Variants in TMEM26 observed in about 807,000 individuals in gnomAD.
The protein encoded by TMEM26 is transmembrane protein 26.
In TMEM26, 38 loss-of-function variants were observed where a neutral mutation model predicts 28.8. The ratio of observed to expected loss-of-function variants is 1.32; its 90% CI spans 1.02 to 1.73. TMEM26 has a LOEUF of 1.73. Among genes scored for constraint, TMEM26 ranks in the 40% most tolerant of loss-of-function variants. TMEM26 has a pLI of 0.00. For missense variants in TMEM26, 518 were observed against 447.1 expected (o/e 1.16, Z -1.43); for synonymous variants, 227 against 182.9 (o/e 1.24, Z -1.95).
chr10:61,444,476 T>C (rs538232573), intron 1 of TMEM26, among the ~76,000 whole-genome samples: 1 of 152,042 alleles, frequency 6.6e-6, no homozygotes, highest in Non-Finnish European at 1.5e-5. Flanking sequence ...TAGTCTAGAA[T>C]TTTCCCCCTT....
At chr10:61,432,633 T>C (rs150432304) in intron 2 of TMEM26, among the ~76,000 whole-genome samples, 371 of 149,608 alleles carry the variant, frequency 2.5e-3, no homozygotes, top group African/African-American at 9.0e-3. Context: ...CACACATTTG[T>C]ATTTAGAGAG....
intron 2 of TMEM26, among the ~76,000 whole-genome samples, chr10:61,432,273 AT>A (rs1185530872): frequency 6.6e-6 from 1 of 152,174 alleles, no homozygotes; most frequent in Non-Finnish European, 1.5e-5. Flanking sequence ...CAAAACATAC[AT>A]TTTAGTGACA....
At chr10:61,452,691 A>G in intron 1 of TMEM26, 200 bp downstream of exon 1, 1 of 588,376 alleles carries the variant, frequency 1.7e-6, no homozygotes. Flanking sequence ...GAGCCTTCCC[A>G]GTGTTGCACT....
At chr10:61,414,888 T>C (rs1839625812) in intron 4 of TMEM26, 2 of 675,302 alleles carry the variant, frequency 3.0e-6, no homozygotes, top group Admixed American at 6.3e-5. Flanking sequence ...TCTGAAAAAG[T>C]CTCCCATAGT....
intron 2 of TMEM26, among the ~76,000 whole-genome samples, chr10:61,433,915 C>A (rs1288684998): frequency 1.3e-5 from 2 of 152,044 alleles, no homozygotes; most frequent in Non-Finnish European, 2.9e-5. Flanking sequence ...AATTACTGAA[C>A]CTTTCTGAGT....
intron 1 of TMEM26, among the ~76,000 whole-genome samples, chr10:61,446,152 A>T (rs1004290439): frequency 7.2e-5 from 11 of 152,222 alleles, no homozygotes; most frequent in African/African-American, 2.7e-4. Context: ...ATTGATCTGA[A>T]GTCTTATGTG....
intron 1 of TMEM26, among the ~76,000 whole-genome samples, chr10:61,448,252 C>T (rs539799603): frequency 3.1e-4 from 47 of 152,362 alleles, no homozygotes; most frequent in Admixed American, 2.7e-3. Context: ...CAAATGCTGT[C>T]AAGTTCCCTG....
intron 1 of TMEM26, among the ~76,000 whole-genome samples, chr10:61,436,841 T>C (rs1840016457): frequency 6.6e-6 from 1 of 152,166 alleles, no homozygotes; most frequent in South Asian, 2.1e-4. Context: ...TTTTAAGTTA[T>C]CTATATTCAC....
Position 61,410,097 on chromosome 10 carries a change from C to T in TMEM26, c.*225G>A. Reference sequence around the variant, plus strand: ...AACAAATCACTTAGTCGTTGAACAACTATAACATCTGATACCATCACACAG... The same window carrying T: ...AACAAATCACTTAGTCGTTGAACAATTATAACATCTGATACCATCACACAG... On this transcript the variant is annotated 3_prime_UTR_variant, in exon 6 of 6. Transcript: ENST00000399298. The T allele has an allele frequency of 1.8e-6, 1 of 568,840 alleles. No individual in the cohort carries two copies. 35.2% of individuals were successfully genotyped at this position (568,840 alleles called of 1,614,324 possible). A position where few individuals can be genotyped will look rare whatever the true frequency, so the allele number is the denominator to read the frequency against.
chr10:61,411,774 T>C (rs374357234), intron 5 of TMEM26, among the ~76,000 whole-genome samples: 2 of 152,238 alleles, frequency 1.3e-5, no homozygotes, highest in South Asian at 2.1e-4. Context: ...ATAATCCTTT[T>C]ATAATAATGA....
intron 4 of TMEM26, among the ~76,000 whole-genome samples, chr10:61,419,245 GA>G (rs1169151456): frequency 3.3e-5 from 5 of 152,044 alleles, no homozygotes. Context: ...CTCAACAAAG[GA>G]AGTATGTGAT....
At chr10:61,444,474 A>T (rs1840145712) in intron 1 of TMEM26, among the ~76,000 whole-genome samples, 1 of 152,054 alleles carries the variant, frequency 6.6e-6, no homozygotes, top group Admixed American at 6.5e-5. Flanking sequence ...AATAGTCTAG[A>T]ATTTTCCCCC....
chr10:61,424,613 T>G (rs1439567750), intron 4 of TMEM26, among the ~76,000 whole-genome samples: 1 of 152,156 alleles, frequency 6.6e-6, no homozygotes, highest in Non-Finnish European at 1.5e-5. Context: ...GCACCTACAA[T>G]AGCTAAAACA....
intron 4 of TMEM26, among the ~76,000 whole-genome samples, chr10:61,418,506 A>G (rs1839690564): frequency 6.6e-6 from 1 of 152,054 alleles, no homozygotes; most frequent in Non-Finnish European, 1.5e-5. Context: ...GAAAAGATAA[A>G]TTAGGGACCT....
chr10:61,434,753 G>A (rs903058352), intron 2 of TMEM26, among the ~76,000 whole-genome samples: 2 of 152,146 alleles, frequency 1.3e-5, no homozygotes, highest in South Asian at 2.1e-4. Flanking sequence ...TTCTTCAAAA[G>A]TAGTCCACAG....
chr10:61,423,887 G>T (rs144946567), intron 4 of TMEM26, among the ~76,000 whole-genome samples: 188 of 152,238 alleles, frequency 1.2e-3, no homozygotes, highest in African/African-American at 4.2e-3. Context: ...GCAGGAAAAG[G>T]ATTTAATGAA....
At chr10:61,449,877 T>C (rs562920160) in intron 1 of TMEM26, among the ~76,000 whole-genome samples, 6 of 152,316 alleles carry the variant, frequency 3.9e-5, no homozygotes, top group African/African-American at 1.2e-4. Context: ...ACAATTCTTT[T>C]ACATTTTTAA....
intron 5 of TMEM26, among the ~76,000 whole-genome samples, chr10:61,411,959 T>C (rs1589023622): frequency 1.3e-5 from 2 of 152,232 alleles, no homozygotes; most frequent in South Asian, 4.1e-4. Context: ...CATAACATTA[T>C]CACCCCTGAA....
chr10:61,424,581 A>T (rs952214246), intron 4 of TMEM26, among the ~76,000 whole-genome samples: 1 of 152,290 alleles, frequency 6.6e-6, no homozygotes, highest in Non-Finnish European at 1.5e-5. Flanking sequence ...AGAGAATTAT[A>T]ACAATTATAT....
Sources: gnomAD v4.1 joint callset for allele counts (sites outside exome capture counted in the v4.1 genomes callset) on GRCh38, gnomAD v4.1.1 for gene constraint, MANE v1.5 for transcripts, NCBI Gene and HGNC (gene_info 2026-07-23, HGNC 2026-07-21) for gene names.